KITLG: variants seen among roughly 807,000 people sequenced by gnomAD.
KITLG encodes KIT ligand.
In KITLG, 13 loss-of-function variants were observed where a neutral mutation model predicts 34.1. The observed-to-expected ratio is 0.38, with a 90% CI of 0.25 to 0.61. KITLG has a LOEUF of 0.61. KITLG is among the 20% of genes least tolerant of loss of function. KITLG has a pLI of 0.60. For missense variants in KITLG, 292 were observed against 318.9 expected, an observed-to-expected ratio of 0.92 and a Z score of 0.64; for synonymous variants, 110 against 104.0, an observed-to-expected ratio of 1.06 and a Z score of -0.35.
chr12:88,501,783 T>C (rs1164490549), intron 9 of KITLG, among the ~76,000 whole-genome samples: 1 of 152,238 alleles, frequency 6.6e-6, no homozygotes, highest in Non-Finnish European at 1.5e-5. Context: ...TATTTTCATA[T>C]ATTTTATTCT....
At chr12:88,532,923 G>A (rs1468792944) in intron 2 of KITLG, among the ~76,000 whole-genome samples, 1 of 152,076 alleles carries the variant, frequency 6.6e-6, no homozygotes, top group Non-Finnish European at 1.5e-5. Flanking sequence ...GCCAGCAATA[G>A]GGAATCTGTC....
chr12:88,574,711 C>A (rs1372528132), intron 1 of KITLG, among the ~76,000 whole-genome samples: 1 of 152,048 alleles, frequency 6.6e-6, no homozygotes, highest in Non-Finnish European at 1.5e-5. Flanking sequence ...CATGCACACA[C>A]GTACTGGAAG....
rs1307474338 is a variant in KITLG, at chr12:88,493,803, A to G, written c.*3416T>C. 1 of 151,870 alleles carries G rather than the reference A, an allele frequency of 6.6e-6. No homozygotes were observed. Among genetic ancestry groups the G allele is most frequent in the Non-Finnish European group, 1.5e-5 (1 of 67,858 alleles). 9.4% of individuals were successfully genotyped at this position (151,870 alleles called of 1,614,324 possible). A position where few individuals can be genotyped will look rare whatever the true frequency, so the allele number is the denominator to read the frequency against. ...CTGACTAATATGACTAAAACGTACT[A>G]CTGGTTTTCATTCTTTGGAGGTGAT... On this transcript the variant is annotated 3_prime_UTR_variant, in exon 10 of 10. Coordinates refer to ENST00000644744, the MANE Select transcript of KITLG (RefSeq NM_000899.5).
intron 6 of KITLG, among the ~76,000 whole-genome samples, chr12:88,512,009 C>T (rs1383886931): frequency 6.6e-6 from 1 of 152,072 alleles, no homozygotes; most frequent in Non-Finnish European, 1.5e-5. Context: ...ATATATTAAA[C>T]AATCACTAAC....
intron 1 of KITLG, among the ~76,000 whole-genome samples, chr12:88,578,891 T>G (rs1224552833): frequency 6.6e-6 from 1 of 152,246 alleles, no homozygotes; most frequent in Non-Finnish European, 1.5e-5. Context: ...TTTCTTTTGT[T>G]GCAAGAATCT....
chr12:88,579,925 A>G (rs1223491581), intron 1 of KITLG, among the ~76,000 whole-genome samples: 4 of 152,220 alleles, frequency 2.6e-5, no homozygotes, highest in Non-Finnish European at 5.9e-5. Flanking sequence ...CTATGCAAAG[A>G]CATGCCTTCC....
At chr12:88,509,505 A>G (rs933488139) in intron 6 of KITLG, among the ~76,000 whole-genome samples, 1 of 152,196 alleles carries the variant, frequency 6.6e-6, no homozygotes, top group South Asian at 2.1e-4. Context: ...GGTGACTACC[A>G]TGTTGACAGT....
At chr12:88,542,939 T>C (rs1200346205) in intron 2 of KITLG, among the ~76,000 whole-genome samples, 2 of 152,146 alleles carry the variant, frequency 1.3e-5, no homozygotes, top group African/African-American at 2.4e-5. Flanking sequence ...ATAATAGGAA[T>C]TGAGATTAAA....
chr12:88,545,898 A>C (rs773195911), intron 1 of KITLG, 33 bp from the exon 2 acceptor site: 2 of 1,231,918 alleles, frequency 1.6e-6, no homozygotes, highest in South Asian at 1.2e-5. Context: ...CTTGGTGATC[A>C]TCAGTTAAGA....
chr12:88,550,309 C>T (rs1214856819), intron 1 of KITLG, among the ~76,000 whole-genome samples: 4 of 151,990 alleles, frequency 2.6e-5, no homozygotes, highest in Non-Finnish European at 5.9e-5. Flanking sequence ...GGGAATGATC[C>T]AGTAGGAGGA....
intron 1 of KITLG, among the ~76,000 whole-genome samples, chr12:88,555,355 T>C (rs1290091250): frequency 6.6e-6 from 1 of 152,204 alleles, no homozygotes; most frequent in Non-Finnish European, 1.5e-5. Flanking sequence ...TAGATATTAT[T>C]ACCCTACTCT....
Position 88,580,468 on chromosome 12 carries a change from A to C in KITLG, c.-190T>G. 1.4e-6 allele frequency: 1 copy of C among 702,620 alleles called. No individual in the cohort carries two copies. 43.5% of individuals were successfully genotyped at this position (702,620 alleles called of 1,614,324 possible). A position where few individuals can be genotyped will look rare whatever the true frequency, so the allele number is the denominator to read the frequency against. On this transcript the variant is annotated 5_prime_UTR_variant, in exon 1 of 10. Transcript: ENST00000644744. The stretch of plus-strand genomic sequence containing the variant: ...TAGTCTCGGCGCGAGGCGGCGAGCG[A>C]AGCCCGGCTGCTGAGCCGCCGGCGC...
At chr12:88,501,919 G>GA (rs1277411681) in intron 9 of KITLG, among the ~76,000 whole-genome samples, 6 of 151,182 alleles carry the variant, frequency 4.0e-5, no homozygotes, top group East Asian at 1.9e-4. Flanking sequence ...ACTAAATTAA[G>GA]AAAAAAAAAT....
chr12:88,532,438 T>C lies in KITLG; in HGVS notation c.192+3A>G. 6.2e-7 allele frequency: 1 copy of C among 1,604,354 alleles called. No homozygotes were observed. ...ATGAAACTCAGAAATGTAGTTTACA[T>C]ACCAAAACATCCATCCCGGGGACAT... On this transcript the variant is annotated splice_donor_region_variant and intron_variant, in intron 3 of 9. Coordinates refer to ENST00000644744, the MANE Select transcript of KITLG (RefSeq NM_000899.5).
At chr12:88,502,999 TTGCTTCGGAAAATAAAAAGTG>T (rs1405945732) in intron 9 of KITLG, among the ~76,000 whole-genome samples, 1 of 152,042 alleles carries the variant, frequency 6.6e-6, no homozygotes, top group Non-Finnish European at 1.5e-5. Context: ...TTGGGAAATA[TTGCTTCGGAAAATAAAAAGTG>T]TCAAGCAAAC....
intron 2 of KITLG, among the ~76,000 whole-genome samples, chr12:88,539,426 T>C (rs1403652424): frequency 6.6e-6 from 1 of 152,126 alleles, no homozygotes; most frequent in African/African-American, 2.4e-5. Flanking sequence ...ACTTCTATCA[T>C]CGTTCACTCA....
Position 88,552,175 on chromosome 12 carries a change from AAT to A in KITLG, c.16-6312_16-6311del, listed in dbSNP as rs1491273107. ...AACATTTGATCTTCAAAATTATGAT[AAT>A]TTTTTTTTTTTTTTTTTGACAGAGT... On this transcript the variant is annotated intron_variant, in intron 1 of 9. Transcript: ENST00000644744. Among the ~76,000 whole-genome samples, 520 of 150,364 alleles carry A rather than the reference AAT, an allele frequency of 3.5e-3. 4 individuals carry two copies. The highest frequency in any genetic ancestry group is 0.012 in the African/African-American group (499 of 40,396).
chr12:88,557,680 A>G (rs372213070), intron 1 of KITLG, among the ~76,000 whole-genome samples: 8 of 152,238 alleles, frequency 5.3e-5, no homozygotes, highest in African/African-American at 1.7e-4. Flanking sequence ...ACTCTCTGCA[A>G]TAAGTGTGTA....
intron 2 of KITLG, among the ~76,000 whole-genome samples, chr12:88,533,074 T>C (rs1349581651): frequency 6.6e-6 from 1 of 152,200 alleles, no homozygotes; most frequent in Non-Finnish European, 1.5e-5. Flanking sequence ...AAAAAAACAA[T>C]GCTACTTATG....
Sources: allele counts gnomAD v4.1 joint callset (sites outside exome capture counted in the v4.1 genomes callset), GRCh38; gene constraint gnomAD v4.1.1; transcripts MANE v1.5; gene names NCBI Gene and HGNC (gene_info 2026-07-23, HGNC 2026-07-21).